Variants in LDHC observed in about 807,000 individuals in gnomAD.
The protein encoded by LDHC is lactate dehydrogenase C, also known as L-lactate dehydrogenase C chain.
A neutral mutation model predicts 30.2 loss-of-function variants in LDHC; 20 were observed. That is an observed-to-expected ratio of 0.66 (90% confidence interval 0.47 to 0.96). The LOEUF (loss-of-function observed/expected upper bound fraction) is 0.96. Among genes scored for constraint, LDHC ranks in the 40% least tolerant of loss-of-function variants. The probability of loss-of-function intolerance (pLI) is 0.00; values close to 1 mark genes in which losing one functional copy is unlikely to be tolerated. For missense variants in LDHC, 362 were observed against 394.9 expected (o/e 0.92, Z 0.71); for synonymous variants, 139 against 132.7 (o/e 1.05, Z -0.32).
At chr11:18,434,217 A>AT (rs60806253) in intron 4 of LDHC, among the ~76,000 whole-genome samples, 71,938 of 145,988 alleles carry the variant, frequency 0.49, 18,988 homozygotes, top group South Asian at 0.63. Context: ...TTCTTGTATC[A>AT]TTTTTTTTTT....
At chr11:18,444,686 T>C (rs1381637951) in intron 6 of LDHC, among the ~76,000 whole-genome samples, 1 of 142,536 alleles carries the variant, frequency 7.0e-6, no homozygotes, top group Non-Finnish European at 1.5e-5. Context: ...ATGTGCATTC[T>C]TGGGGCTTTA....
intron 3 of LDHC, among the ~76,000 whole-genome samples, chr11:18,417,097 T>C (rs563316337): frequency 9.1e-4 from 138 of 152,264 alleles, no homozygotes; most frequent in Admixed American, 1.6e-3. Context: ...TTAGCCAGGC[T>C]GGTCTTGAAC....
chr11:18,430,412 T>C (rs111593461), intron 4 of LDHC, among the ~76,000 whole-genome samples: 2,038 of 152,246 alleles, frequency 0.013, 51 homozygotes, highest in African/African-American at 0.046. Context: ...GGGCGTAATC[T>C]TGACTCACTG....
chr11:18,416,369 T>C (rs1356889051), intron 3 of LDHC, among the ~76,000 whole-genome samples: 1 of 152,320 alleles, frequency 6.6e-6, no homozygotes, highest in African/African-American at 2.4e-5. Context: ...GTTGACCAAC[T>C]AAGAAGCCTC....
intron 3 of LDHC, among the ~76,000 whole-genome samples, chr11:18,421,736 T>G (rs754113880): frequency 2.4e-4 from 36 of 152,038 alleles, no homozygotes; most frequent in Non-Finnish European, 2.8e-4. Flanking sequence ...CTCAAACTCC[T>G]GGGCCCAAAT....
intron 7 of LDHC, 26 bp from the exon 8 acceptor site, chr11:18,450,937 G>GA: frequency 6.5e-7 from 1 of 1,532,156 alleles, no homozygotes; most frequent in Non-Finnish European, 8.8e-7. Context: ...CAGGTTATTT[G>GA]AACAATATCT....
intron 3 of LDHC, among the ~76,000 whole-genome samples, chr11:18,422,362 C>T (rs1848077494): frequency 6.6e-6 from 1 of 151,878 alleles, no homozygotes; most frequent in African/African-American, 2.4e-5. Flanking sequence ...TGAGATCAGC[C>T]TGGGCAACAT....
At chr11:18,424,958 A>G (rs529724031) in intron 3 of LDHC, among the ~76,000 whole-genome samples, 142 of 152,356 alleles carry the variant, frequency 9.3e-4, no homozygotes, top group African/African-American at 3.2e-3. Context: ...CAGTCAGCTG[A>G]GATCGTGCCA....
Position 18,451,147 on chromosome 11 carries a change from C to G in LDHC, c.*20C>G, listed in dbSNP as rs1455698462. 7.1e-7 allele frequency: 1 copy of G among 1,413,126 alleles called. No individual in the cohort carries two copies. The highest frequency in any genetic ancestry group is 1.5e-5 in the African/African-American group (1 of 66,942). The allele number at this position is 1,413,126 out of a possible 1,614,324, so 87.5% of individuals were successfully genotyped here. A position where few individuals can be genotyped will look rare whatever the true frequency, so the allele number is the denominator to read the frequency against. On this transcript the variant is annotated 3_prime_UTR_variant, in exon 8 of 8. Coordinates refer to ENST00000541669, the MANE Select transcript of LDHC (RefSeq NM_017448.5). ...TTTTAAATTAAAGCCTTCTAATGTT[C>G]CACTGTTTGGAGAACAGAAGATAGC...
At chr11:18,448,319 T>C (rs1177532256) in intron 7 of LDHC, among the ~76,000 whole-genome samples, 1 of 152,170 alleles carries the variant, frequency 6.6e-6, no homozygotes, top group Non-Finnish European at 1.5e-5. Context: ...AGTCTTACTC[T>C]GTTGCCCAGG....
chr11:18,436,064 C>T (rs1368390692), intron 5 of LDHC, among the ~76,000 whole-genome samples: 1 of 152,212 alleles, frequency 6.6e-6, no homozygotes, highest in South Asian at 2.1e-4. Context: ...ATTTAGAGTG[C>T]CCTTTTCTTT....
At chr11:18,434,688 AT>A (rs1848325208) in intron 4 of LDHC, 51 bp from the exon 5 acceptor site, 4 of 994,908 alleles carry the variant, frequency 4.0e-6, no homozygotes, top group African/African-American at 3.2e-5. Flanking sequence ...GAAAAAAAAA[AT>A]TTTTTTAAGT....
chr11:18,412,557 TG>T (rs1481815871), intron 1 of LDHC, 149 bp downstream of exon 1: 4 of 640,402 alleles, frequency 6.2e-6, no homozygotes, highest in East Asian at 6.1e-5. Flanking sequence ...CCTGGTAGAC[TG>T]GGCCTTGCTT....
rs139579147 is a variant in LDHC at position 18,422,686 on chromosome 11, C to T, written c.245-7051C>T. On this transcript the variant is annotated intron_variant, in intron 3 of 7. Transcript: ENST00000541669. ...CTTTTGTGCAGAAAACATACCACCT[C>T]ATTAGAAGATGTTAAATGTCAGGCT... 1.4e-4 allele frequency among the ~76,000 whole-genome samples: 21 copies of T among 152,064 alleles called. 1 individual carries two copies. The East Asian group carries it at 3.9e-3, about 28-fold the overall frequency.
chr11:18,432,891 A>T (rs1223494244), intron 4 of LDHC, among the ~76,000 whole-genome samples: 1 of 152,196 alleles, frequency 6.6e-6, no homozygotes, highest in Non-Finnish European at 1.5e-5. Flanking sequence ...TTGGTTGATT[A>T]GTTCTTATCC....
At chr11:18,442,660 C>CCT (rs1554964954) in intron 6 of LDHC, among the ~76,000 whole-genome samples, 5 of 112,626 alleles carry the variant, frequency 4.4e-5, no homozygotes, top group African/African-American at 1.6e-4. Flanking sequence ...TTCTCTCTCT[C>CCT]TTTTTTTTTT....
intron 7 of LDHC, among the ~76,000 whole-genome samples, chr11:18,448,064 A>G (rs981028510): frequency 1.3e-5 from 2 of 151,638 alleles, no homozygotes; most frequent in African/African-American, 2.4e-5. Flanking sequence ...AAAAAAAAAA[A>G]AAAAAGATTT....
chr11:18,439,736 A>C (rs546890340), intron 6 of LDHC, among the ~76,000 whole-genome samples: 33 of 139,452 alleles, frequency 2.4e-4, no homozygotes, highest in African/African-American at 8.5e-4. Flanking sequence ...ATACTTTGGG[A>C]GGCCAAGGTG....
intron 3 of LDHC, among the ~76,000 whole-genome samples, chr11:18,425,425 G>C (rs906968691): frequency 6.6e-6 from 1 of 151,900 alleles, no homozygotes; most frequent in African/African-American, 2.4e-5. Flanking sequence ...TGTTAACCCA[G>C]GCTGGAGTGC....
Sources: allele counts gnomAD v4.1 joint callset (sites outside exome capture counted in the v4.1 genomes callset), GRCh38; gene constraint gnomAD v4.1.1; transcripts MANE v1.5; gene names NCBI Gene and HGNC (gene_info 2026-07-23, HGNC 2026-07-21).